Variants in LDHA observed in about 807,000 individuals in gnomAD.
LDHA encodes the protein lactate dehydrogenase A.
LDHA carries 10 observed loss-of-function variants against 36.3 expected under a neutral mutation model. The observed-to-expected ratio is 0.28, with a 90% confidence interval of 0.17 to 0.47. The LOEUF is 0.47. LDHA is among the 20% of genes least tolerant of loss of function. LDHA has a pLI of 0.99. For synonymous variants in LDHA, 110 were observed against 136.7 expected (o/e 0.80, Z 1.36); for missense variants, 267 against 405.8 (o/e 0.66, Z 2.94).
chr11:18,402,488 G>A, intron 4 of LDHA: 1 of 286,376 alleles, frequency 3.5e-6, no homozygotes, highest in Admixed American at 4.7e-5. Context: ...TGTAGAGATG[G>A]GGTTTTGCTA....
intron 3 of LDHA, chr11:18,400,520 A>G (rs1866448762): frequency 2.6e-6 from 1 of 386,610 alleles, no homozygotes; most frequent in South Asian, 2.1e-5. Context: ...ACACCAGTTA[A>G]GTAGAAACAG....
rs1554961217 is a variant in LDHA at position 18,401,956 on chromosome 11, T to TC, written c.419-884_419-883insC. ...AAGTTTGTGAATAATTGTTATTCTC[T>TC]TTTTTTTTTTTTTTTTTTTTGAGAC... On this transcript the variant is annotated intron_variant, in intron 4 of 7. Transcript: ENST00000422447. Among the ~76,000 whole-genome samples the TC allele has an allele frequency of 7.7e-3, 70 of 9,124 alleles. 1 individual carries two copies. The highest frequency in any genetic ancestry group is 0.036 in the Middle Eastern group (1 of 28). 6.0% of individuals were successfully genotyped at this position (9,124 alleles called of 152,430 possible).
intron 1 of LDHA, chr11:18,395,094 C>A: frequency 5.4e-6 from 1 of 184,390 alleles, no homozygotes; most frequent in Non-Finnish European, 1.2e-5. Context: ...TACCACGCGG[C>A]TTGCATTTTT....
chr11:18,399,181 C>T (rs1866394905), intron 2 of LDHA: 1 of 468,530 alleles, frequency 2.1e-6, no homozygotes, highest in Admixed American at 3.4e-5. Context: ...TCCACATCTG[C>T]AGTGGTGGAA....
At chr11:18,406,834 T>G (rs1866702107) in intron 7 of LDHA, 1 of 266,472 alleles carries the variant, frequency 3.8e-6, no homozygotes, top group African/African-American at 2.3e-5. Context: ...GCCAACATGG[T>G]GAAACCCCAT....
rs777910482 is a variant in LDHA at position 18,408,333 on chromosome 11, AAAAC to A, written c.*1056_*1059del. The A allele has an allele frequency of 2.1e-5, 8 of 374,528 alleles. No homozygotes were observed. Among genetic ancestry groups the A allele is most frequent in the East Asian group, 1.5e-4 (2 of 13,706 alleles). 23.2% of individuals were successfully genotyped at this position (374,528 alleles called of 1,614,324 possible). A position where few individuals can be genotyped will look rare whatever the true frequency, so the allele number is the denominator to read the frequency against. On this transcript the variant is annotated 3_prime_UTR_variant, in exon 8 of 8. Coordinates refer to ENST00000422447, the MANE Select transcript of LDHA (RefSeq NM_005566.4). Reference sequence around the variant, plus strand: ...ACACAACAAAACCCCATCTGTTAAAAAAACAAAACAAAACCAAAAAAAACAAGTA... The same window carrying A: ...ACACAACAAAACCCCATCTGTTAAAAAAAACAAAACCAAAAAAAACAAGTA...
At chr11:18,397,259 T>A in intron 2 of LDHA, 1 of 248,064 alleles carries the variant, frequency 4.0e-6, no homozygotes, top group African/African-American at 2.2e-5. Context: ...TCCATGATTT[T>A]AAATGAGCCA....
chr11:18,397,020 C>A, intron 2 of LDHA, 52 bp downstream of exon 2: 2 of 1,484,680 alleles, frequency 1.3e-6, no homozygotes, highest in South Asian at 1.1e-5. Flanking sequence ...CCATCCTCTA[C>A]CCCCACTCCT....
intron 2 of LDHA, 45 bp from the exon 3 acceptor site, chr11:18,399,386 A>G (rs759205592): frequency 2.2e-6 from 3 of 1,338,084 alleles, no homozygotes; most frequent in Non-Finnish European, 2.2e-6. Flanking sequence ...CTAAAAATCT[A>G]GAAGTGGCAA....
chr11:18,403,640 A>T lies in LDHA; in HGVS notation c.593-54A>T, dbSNP rs377156358. 4.0e-5 allele frequency: 44 copies of T among 1,103,180 alleles called. 1 individual carries two copies. The East Asian group carries it at 1.0e-3, about 26-fold the overall frequency. 68.3% of individuals were successfully genotyped at this position (1,103,180 alleles called of 1,614,324 possible). A position where few individuals can be genotyped will look rare whatever the true frequency, so the allele number is the denominator to read the frequency against. On this transcript the variant is annotated intron_variant, in intron 5 of 7. Transcript: ENST00000422447. ...AAGAGAATTAGGAAAATGAATCACA[A>T]TTACTAATCTGTTGGTACATGAAAA...
intron 4 of LDHA, 139 bp downstream of exon 4, chr11:18,401,149 A>AAT (rs201194496): frequency 5.3e-4 from 180 of 337,044 alleles, no homozygotes; most frequent in Non-Finnish European, 6.6e-4. Flanking sequence ...ATTATTTTAA[A>AAT]ATATATATAT....
intron 6 of LDHA, among the ~76,000 whole-genome samples, chr11:18,404,505 A>G (rs778413744): frequency 1.3e-5 from 2 of 152,128 alleles, no homozygotes; most frequent in Non-Finnish European, 2.9e-5. Flanking sequence ...CCTCAGGTCT[A>G]TAGAATTAAA....
intron 1 of LDHA, 92 bp from the exon 2 acceptor site, chr11:18,396,727 A>G: frequency 7.2e-7 from 1 of 1,389,200 alleles, no homozygotes; most frequent in South Asian, 1.4e-5. Context: ...AGTGGCAAAT[A>G]CCCCCAAAGG....
intron 2 of LDHA, chr11:18,399,216 G>A: frequency 1.9e-6 from 1 of 520,218 alleles, no homozygotes; most frequent in East Asian, 3.6e-5. Flanking sequence ...GCTTCAGTGG[G>A]GAGACAGGGC....
At chr11:18,404,261 T>A (rs1045198476) in intron 6 of LDHA, among the ~76,000 whole-genome samples, 1 of 152,116 alleles carries the variant, frequency 6.6e-6, no homozygotes, top group Non-Finnish European at 1.5e-5. Flanking sequence ...ATACACAAAT[T>A]AGCCAGGCAT....
intron 2 of LDHA, chr11:18,397,282 A>G (rs1317868046): frequency 4.8e-6 from 1 of 209,982 alleles, no homozygotes; most frequent in South Asian, 1.6e-4. Context: ...ATTCTTTTAA[A>G]GTGATTTTTG....
chr11:18,400,535 A>C, intron 3 of LDHA: 1 of 412,256 alleles, frequency 2.4e-6, no homozygotes, highest in Non-Finnish European at 4.6e-6. Flanking sequence ...AAACAGGAGT[A>C]TGGAAGAGTG....
At chr11:18,400,432 CACACACACACACACACACA>C in intron 3 of LDHA, 1 of 2,178 alleles carries the variant, frequency 4.6e-4, no homozygotes, top group Non-Finnish European at 9.2e-4. Flanking sequence ...ACCACCACCA[CACACACACACACACACACA>C]CACACACACA....
intron 3 of LDHA, chr11:18,400,339 T>C: frequency 4.3e-6 from 1 of 234,630 alleles, no homozygotes; most frequent in Non-Finnish European, 8.5e-6. Flanking sequence ...CTGGTTTAAC[T>C]CTCTTGTGCC....
Sources: gnomAD v4.1 joint callset for allele counts (sites outside exome capture counted in the v4.1 genomes callset) on GRCh38, gnomAD v4.1.1 for gene constraint, MANE v1.5 for transcripts, NCBI Gene and HGNC (gene_info 2026-07-23, HGNC 2026-07-21) for gene names.